The following USP31 variants were observed in gnomAD, a reference collection of about 807,000 sequenced individuals.
USP31 encodes the protein ubiquitin carboxyl-terminal hydrolase 31.
In USP31, 44 loss-of-function variants were observed where a neutral mutation model predicts 119.4. The observed-to-expected ratio is 0.37, with a 90% CI of 0.29 to 0.47. USP31 has a LOEUF of 0.47. Ranked by LOEUF, USP31 falls within the 20% of genes least tolerant of loss-of-function variation. The probability of loss-of-function intolerance (pLI) is 0.99; values close to 1 mark genes in which losing one functional copy is unlikely to be tolerated. For missense variants in USP31, 1,643 were observed against 1,730.2 expected (o/e 0.95, Z 0.89); for synonymous variants, 749 against 705.6 (o/e 1.06, Z -0.97).
chr16:23,101,014 G>A (rs998988712), intron 6 of USP31, among the ~76,000 whole-genome samples: 3 of 152,200 alleles, frequency 2.0e-5, no homozygotes, highest in Non-Finnish European at 4.4e-5. Context: ...TGGCAGGGGA[G>A]GAGGGGGTTA....
chr16:23,079,434 C>T (rs2141838091), intron 13 of USP31: 1 of 152,348 alleles, frequency 6.6e-6, no homozygotes, highest in East Asian at 1.9e-4. Context: ...GCACTTGTAT[C>T]CCAGCTACTC....
chr16:23,070,711 TA>T (rs34018986), intron 15 of USP31, among the ~76,000 whole-genome samples: 41,834 of 145,804 alleles, frequency 0.29, 5,962 homozygotes, highest in Admixed American at 0.36. Flanking sequence ...AGACTCCGTT[TA>T]AAAAAAAAAA....
At chr16:23,141,461 C>T (rs1320406116) in intron 1 of USP31, among the ~76,000 whole-genome samples, 2 of 151,996 alleles carry the variant, frequency 1.3e-5, no homozygotes, top group African/African-American at 4.8e-5. Flanking sequence ...CTCACCACAC[C>T]TTGACCTCTT....
At chr16:23,069,950 T>C (rs1326220612) in intron 15 of USP31, among the ~76,000 whole-genome samples, 1 of 152,206 alleles carries the variant, frequency 6.6e-6, no homozygotes, top group Non-Finnish European at 1.5e-5. Flanking sequence ...CATTCAACTC[T>C]GTCACTGCTG....
At chr16:23,094,687 C>T (rs993593110) in intron 6 of USP31, among the ~76,000 whole-genome samples, 3 of 152,168 alleles carry the variant, frequency 2.0e-5, no homozygotes, top group African/African-American at 7.2e-5. Context: ...GTTCTGCAGC[C>T]TCTACTGGTG....
chr16:23,108,616 A>G (rs145341006), intron 1 of USP31, among the ~76,000 whole-genome samples: 20 of 152,364 alleles, frequency 1.3e-4, no homozygotes, highest in African/African-American at 4.8e-4. Context: ...AAAAAAGGTT[A>G]TAAATAAGTA....
At chr16:23,098,974 G>A (rs1362773410) in intron 6 of USP31, among the ~76,000 whole-genome samples, 1 of 152,086 alleles carries the variant, frequency 6.6e-6, no homozygotes, top group African/African-American at 2.4e-5. Flanking sequence ...AGACAAATGG[G>A]ATCTAATTAA....
chr16:23,141,339 C>T (rs1348307947), intron 1 of USP31, among the ~76,000 whole-genome samples: 1 of 152,090 alleles, frequency 6.6e-6, no homozygotes, highest in Non-Finnish European at 1.5e-5. Context: ...CCATTATTCC[C>T]TCTCATACAC....
In USP31 at chr16:23,085,657, A is replaced by G. The variant is rs374298752; in HGVS notation, c.1628T>C (p.Leu543Ser). The change falls in exon 10 of 16, where the codon TTA becomes TCA. Residue 543 changes from leucine to serine, a missense_variant. This residue lies in a region of USP31 where 219 missense variants were observed against 226.4 expected (regional missense o/e 0.97). Coordinates refer to ENST00000219689, the MANE Select transcript of USP31 (RefSeq NM_020718.4). Reference protein sequence around the residue: ...PLCHPIVERALKSCGPGGTAH... With the variant: ...PLCHPIVERASKSCGPGGTAH... ...AGTGCCACCTGGTCCACAAGATTTT[A>G]ATGCCCTATAGAACCAGGGAAGTGG... 2 of 1,613,622 alleles carry G rather than the reference A, an allele frequency of 1.2e-6. No homozygotes were observed. Among genetic ancestry groups the G allele is most frequent in the Non-Finnish European group, 1.7e-6 (2 of 1,179,724 alleles).
intron 1 of USP31, among the ~76,000 whole-genome samples, chr16:23,119,507 C>G (rs1249066934): frequency 6.6e-6 from 1 of 152,206 alleles, no homozygotes; most frequent in African/African-American, 2.4e-5. Flanking sequence ...ATATAGGACT[C>G]AGCATCATAC....
intron 1 of USP31, 54 bp downstream of exon 1, chr16:23,148,584 C>G (rs1903600510): frequency 5.0e-6 from 7 of 1,410,024 alleles, no homozygotes; most frequent in East Asian, 6.0e-5. Context: ...CCTGGGCGGG[C>G]AGGTGCCCCA....
At chr16:23,137,276 A>C (rs1225207961) in intron 1 of USP31, among the ~76,000 whole-genome samples, 1 of 152,196 alleles carries the variant, frequency 6.6e-6, no homozygotes, top group Non-Finnish European at 1.5e-5. Flanking sequence ...CTATAATCAA[A>C]AACAAATGGA....
At chr16:23,147,355 C>T (rs1004671338) in intron 1 of USP31, among the ~76,000 whole-genome samples, 4 of 152,156 alleles carry the variant, frequency 2.6e-5, no homozygotes, top group African/African-American at 4.8e-5. Flanking sequence ...GTGATCCACC[C>T]GCCTTGGCCT....
At chr16:23,074,591 C>A (rs1391329399) in intron 13 of USP31, among the ~76,000 whole-genome samples, 1 of 152,188 alleles carries the variant, frequency 6.6e-6, no homozygotes, top group Non-Finnish European at 1.5e-5. Context: ...TCATTTCAGG[C>A]TTATCAAGTC....
rs544184337 is a variant in USP31, at chr16:23,063,504, T to C, written c.*4542A>G. ...AGGTTATTTTTAGAACAAAACACTT[T>C]AGGAAAGTCTTCAGGCTAAATACAG... On this transcript the variant is annotated 3_prime_UTR_variant, in exon 16 of 16. Coordinates refer to ENST00000219689, the MANE Select transcript of USP31 (RefSeq NM_020718.4). The C allele has an allele frequency of 1.3e-5, 2 of 152,734 alleles. No individual in the cohort carries two copies. The highest frequency in any genetic ancestry group is 1.5e-5 in the Non-Finnish European group (1 of 68,022). 9.5% of individuals were successfully genotyped at this position (152,734 alleles called of 1,614,324 possible). A position where few individuals can be genotyped will look rare whatever the true frequency, so the allele number is the denominator to read the frequency against.
intron 1 of USP31, among the ~76,000 whole-genome samples, chr16:23,134,089 TCACACACACACACACACACACA>T (rs10557354): frequency 6.8e-6 from 1 of 146,334 alleles, no homozygotes. Context: ...TCTCTCTCTC[TCACACACACACACACACACACA>T]CACACACACA....
At position 23,140,856 on chromosome 16, in the gene USP31, T is replaced by C. The variant is rs1903334188; in HGVS notation, c.633+7782A>G. ...TTATTCTGGATGCTCTCCTCAACGT[T>C]CTCTGCTCCAGTGTCTTGCCACAAA... On this transcript the variant is annotated intron_variant, in intron 1 of 15. Transcript: ENST00000219689. Among the ~76,000 whole-genome samples the C allele has an allele frequency of 1.3e-5, 2 of 152,174 alleles. 1 individual carries two copies. Among genetic ancestry groups the C allele is most frequent in the South Asian group, 4.1e-4 (2 of 4,826 alleles).
chr16:23,074,757 A>T (rs957574395), intron 13 of USP31, among the ~76,000 whole-genome samples: 1 of 152,256 alleles, frequency 6.6e-6, no homozygotes, highest in Non-Finnish European at 1.5e-5. Flanking sequence ...GCTAGAAATA[A>T]AGAACATTCA....
intron 11 of USP31, among the ~76,000 whole-genome samples, chr16:23,083,695 C>G (rs368774694): frequency 7.7e-4 from 29 of 37,886 alleles, no homozygotes; most frequent in Non-Finnish European, 8.3e-4. Flanking sequence ...GCAAACCTGG[C>G]GGGGGGGGGG....
Sources: gnomAD v4.1 joint callset for allele counts (sites outside exome capture counted in the v4.1 genomes callset) on GRCh38, gnomAD v4.1.1 for gene constraint, gnomAD v4.1.1 regional missense constraint, MANE v1.5 for transcripts, NCBI Gene and HGNC (gene_info 2026-07-23, HGNC 2026-07-21) for gene names.